Variants in GALNT2 observed in about 807,000 individuals in gnomAD.
GALNT2 encodes polypeptide N-acetylgalactosaminyltransferase 2.
Under a neutral mutation model 81.4 loss-of-function variants are expected in GALNT2, and 31 were observed. The ratio of observed to expected loss-of-function variants is 0.38; its 90% confidence interval spans 0.29 to 0.51. The LOEUF is 0.51. GALNT2 is among the 20% of genes least tolerant of loss of function. The pLI is 0.87. For missense variants in GALNT2, 629 were observed against 765.7 expected (o/e 0.82, Z 2.11); for synonymous variants, 303 against 287.4 (o/e 1.05, Z -0.55).
chr1:230,245,726 T>A (rs1217703373), intron 7 of GALNT2, among the ~76,000 whole-genome samples: 1 of 152,204 alleles, frequency 6.6e-6, no homozygotes, highest in Non-Finnish European at 1.5e-5. Context: ...AAAGGACCCT[T>A]GGGACACAGC....
chr1:230,252,593 C>T (rs770455015), intron 10 of GALNT2, among the ~76,000 whole-genome samples: 2 of 152,092 alleles, frequency 1.3e-5, no homozygotes, highest in African/African-American at 4.8e-5. Context: ...CACTAACTGC[C>T]TAATTAAAAA....
chr1:230,205,915 G>A (rs532480125), intron 3 of GALNT2, among the ~76,000 whole-genome samples: 2 of 152,290 alleles, frequency 1.3e-5, no homozygotes, highest in Admixed American at 1.3e-4. Context: ...CCGGAATGTT[G>A]ATAACTTGCC....
intron 1 of GALNT2, among the ~76,000 whole-genome samples, chr1:230,089,339 T>C (rs1659991869): frequency 2.0e-5 from 3 of 152,010 alleles, no homozygotes; most frequent in South Asian, 2.1e-4. Flanking sequence ...GTGTGTGTTT[T>C]TAGTGGAGAT....
At chr1:230,204,054 G>A (rs1399335861) in intron 3 of GALNT2, among the ~76,000 whole-genome samples, 1 of 151,964 alleles carries the variant, frequency 6.6e-6, no homozygotes, top group Non-Finnish European at 1.5e-5. Flanking sequence ...ATTTGCTCAG[G>A]CTGGTTTTGA....
At position 230,207,041 on chromosome 1, in the gene GALNT2, A is replaced by G. The variant is rs575696234; in HGVS notation, c.374+3751A>G. ...CTCCACAGTTCCTCTCACCACCCAC[A>G]CACTGTGTATTTTACTTATTTTTTT... On this transcript the variant is annotated intron_variant, in intron 3 of 15. Transcript: ENST00000366672. 3.3e-5 allele frequency among the ~76,000 whole-genome samples: 5 copies of G among 150,780 alleles called. No homozygotes were observed. The East Asian group carries it at 9.8e-4, about 29-fold the overall frequency.
intron 15 of GALNT2, among the ~76,000 whole-genome samples, chr1:230,278,948 T>G (rs1666364625): frequency 6.6e-6 from 1 of 152,176 alleles, no homozygotes; most frequent in Non-Finnish European, 1.5e-5. Context: ...TGGATCAAGC[T>G]TTCATACGAA....
chr1:230,156,698 G>A (rs1467316920), intron 1 of GALNT2, among the ~76,000 whole-genome samples: 3 of 152,168 alleles, frequency 2.0e-5, no homozygotes, highest in African/African-American at 4.8e-5. Context: ...AGAAAGCAAT[G>A]TGGAACTCGG....
chr1:230,203,589 T>G (rs1388295536), intron 3 of GALNT2, among the ~76,000 whole-genome samples: 5 of 152,186 alleles, frequency 3.3e-5, no homozygotes, highest in Non-Finnish European at 7.3e-5. Flanking sequence ...TATTTAGTGA[T>G]CACTTGTTAT....
rs189904107 is a variant in GALNT2 at position 230,271,567 on chromosome 1, G to A, written c.1441-2878G>A. On this transcript the variant is annotated intron_variant, in intron 14 of 15. Transcript: ENST00000366672. This position sits in a 1 kb window ranked among gnomAD's most constrained non-coding sequence, Gnocchi z 4.2. ...CAGTCACAAGTCCAAGTTGTCACCT[G>A]CTGTCTGACTGTAAATCAGGGCTCC... is the stretch of plus-strand genomic sequence containing the variant. Among the ~76,000 whole-genome samples, 45 of 152,358 alleles carry A rather than the reference G, an allele frequency of 3.0e-4. No individual in the cohort carries two copies. Among genetic ancestry groups the A allele is most frequent in the African/African-American group, 9.6e-4 (40 of 41,584 alleles).
chr1:230,220,959 C>T (rs537928758), intron 3 of GALNT2, among the ~76,000 whole-genome samples: 3 of 152,116 alleles, frequency 2.0e-5, no homozygotes, highest in Admixed American at 6.5e-5. Context: ...TTAAATACAC[C>T]GAATTACTCA....
intron 1 of GALNT2, among the ~76,000 whole-genome samples, chr1:230,159,315 T>A (rs1662359587): frequency 7.6e-6 from 1 of 131,966 alleles, no homozygotes; most frequent in Non-Finnish European, 1.8e-5. Flanking sequence ...GGCAAAGCCT[T>A]CTACTGCTTT....
chr1:230,085,213 C>T (rs1261890248), intron 1 of GALNT2, among the ~76,000 whole-genome samples: 1 of 152,162 alleles, frequency 6.6e-6, no homozygotes, highest in East Asian at 1.9e-4. Flanking sequence ...GAAGCATACC[C>T]TGACAGTGAC....
intron 1 of GALNT2, among the ~76,000 whole-genome samples, chr1:230,079,242 G>T (rs143933448): frequency 6.6e-6 from 1 of 152,212 alleles, no homozygotes; most frequent in African/African-American, 2.4e-5. Flanking sequence ...ATGATACTGC[G>T]TATCTTCTGT....
At chr1:230,071,983 G>C (rs909722243) in intron 1 of GALNT2, among the ~76,000 whole-genome samples, 1 of 152,116 alleles carries the variant, frequency 6.6e-6, no homozygotes, top group African/African-American at 2.4e-5. Context: ...CACTGAGTGG[G>C]GTCAGCTTGC....
intron 6 of GALNT2, among the ~76,000 whole-genome samples, chr1:230,241,349 T>C (rs544054772): frequency 2.0e-5 from 3 of 152,306 alleles, no homozygotes; most frequent in African/African-American, 7.2e-5. Flanking sequence ...GTATTCATCT[T>C]TGTTATATTG....
rs188273646 is a variant in GALNT2 at position 230,213,120 on chromosome 1, A to T, written c.374+9830A>T. On this transcript the variant is annotated intron_variant, in intron 3 of 15. Coordinates refer to ENST00000366672, the MANE Select transcript of GALNT2 (RefSeq NM_004481.5). ...GGCAAAAGCACAATGATGCTAAATG[A>T]GTTGTGTGATTTGCTTTCTTTACTC... Among the ~76,000 whole-genome samples the T allele has an allele frequency of 2.7e-3, 411 of 152,350 alleles. 5 individuals are homozygous for T. The highest frequency in any genetic ancestry group is 4.6e-3 in the South Asian group (22 of 4,830).
intron 3 of GALNT2, among the ~76,000 whole-genome samples, chr1:230,234,090 A>C (rs1664949948): frequency 2.0e-5 from 3 of 152,170 alleles, no homozygotes; most frequent in Admixed American, 2.0e-4. Context: ...AGAATACGTG[A>C]AAAGGCTCTC....
At chr1:230,104,672 A>C (rs1660488788) in intron 1 of GALNT2, among the ~76,000 whole-genome samples, 1 of 152,206 alleles carries the variant, frequency 6.6e-6, no homozygotes, top group Non-Finnish European at 1.5e-5. Flanking sequence ...CCATGTCCCC[A>C]GTGGCTTCAA....
chr1:230,203,734 C>T (rs1372258431), intron 3 of GALNT2, among the ~76,000 whole-genome samples: 1 of 152,164 alleles, frequency 6.6e-6, no homozygotes, highest in Non-Finnish European at 1.5e-5. Flanking sequence ...ATGAACTACC[C>T]AGCACAATAG....
Sources: allele counts gnomAD v4.1 joint callset (sites outside exome capture counted in the v4.1 genomes callset), GRCh38; gene constraint gnomAD v4.1.1; non-coding constraint Gnocchi (gnomAD v3.1); transcripts MANE v1.5; gene names NCBI Gene and HGNC (gene_info 2026-07-23, HGNC 2026-07-21).